The following ASL variants were observed in gnomAD, a reference collection of about 807,000 sequenced individuals.
ASL encodes the protein argininosuccinate lyase, also known as argininosuccinase.
A neutral mutation model predicts 69.1 loss-of-function variants in ASL; 51 were observed. The observed-to-expected ratio is 0.74, with a 90% confidence interval of 0.59 to 0.93. ASL has a LOEUF of 0.93. Among genes scored for constraint, ASL ranks in the 40% least tolerant of loss-of-function variants. ASL has a pLI of 0.00. For synonymous variants in ASL, 241 were observed against 247.6 expected (o/e 0.97, Z 0.25); for missense variants, 540 against 623.9 (o/e 0.87, Z 1.43).
At chr7:66,087,864 C>T in intron 10 of ASL, 73 bp downstream of exon 10, 1 of 1,565,750 alleles carries the variant, frequency 6.4e-7, no homozygotes, top group Non-Finnish European at 8.8e-7. Context: ...CTCCAGTTTC[C>T]TCCCACACCT....
At chr7:66,075,946 G>C (rs895587887) in intron 1 of ASL, 90 bp downstream of exon 1, 2 of 1,185,118 alleles carry the variant, frequency 1.7e-6, no homozygotes, top group African/African-American at 1.5e-5. Context: ...CAAGGGCTGC[G>C]CTCCCTCAAG....
At chr7:66,082,823 C>T in intron 4 of ASL, 57 bp from the exon 5 acceptor site, 1 of 1,608,202 alleles carries the variant, frequency 6.2e-7, no homozygotes. Flanking sequence ...ACTGCCCTGC[C>T]TGGGTTGACT....
rs1400200414 is a variant in ASL, at chr7:66,083,072, C to T, written c.349-5C>T. On this transcript the variant is annotated splice_polypyrimidine_tract_variant and splice_region_variant and intron_variant, in intron 5 of 16. Transcript: ENST00000304874. Reference sequence around the variant, plus strand: ...CTCCCTGAGCACCATCTCCTCCTTGCACAGGTGGTCACAGACCTCAGGCTG... The same window carrying T: ...CTCCCTGAGCACCATCTCCTCCTTGTACAGGTGGTCACAGACCTCAGGCTG... The T allele has an allele frequency of 1.2e-6, 2 of 1,613,884 alleles. No individual in the cohort carries two copies. Among genetic ancestry groups the T allele is most frequent in the African/African-American group, 1.3e-5 (1 of 75,050 alleles).
intron 2 of ASL, among the ~76,000 whole-genome samples, chr7:66,077,708 G>A (rs1344975214): frequency 1.3e-5 from 2 of 151,964 alleles, no homozygotes; most frequent in South Asian, 2.1e-4. Context: ...CAGCCTGGGC[G>A]ACAAAGCAAG....
rs1222512283 is a variant in ASL, at chr7:66,083,171, A to T, written c.443A>T (p.Glu148Val). The T allele has an allele frequency of 3.1e-6, 5 of 1,612,214 alleles. No homozygotes were observed. The African/African-American group carries it at 6.7e-5, about 22-fold the overall frequency. Residue 148 changes from glutamate to valine, a missense_variant, in exon 6 of 17, where the codon GAG becomes GTG. Coordinates refer to ENST00000304874, the MANE Select transcript of ASL (RefSeq NM_000048.4). ...ATTAGGACCATGGTGGATCGGGCAG[A>T]GGCGTGAGTCCTACAGGGACACCCA... Reference protein sequence around the residue: ...ELIRTMVDRAEAERDVLFPGY... With the variant: ...ELIRTMVDRAVAERDVLFPGY...
intron 6 of ASL, 47 bp downstream of exon 6, chr7:66,083,221 A>C (rs1786563714): frequency 6.3e-7 from 1 of 1,597,422 alleles, no homozygotes; most frequent in Admixed American, 1.7e-5. Context: ...GTGTGATGGA[A>C]GCCTGAACAG....
rs1786772391 is a variant in ASL, at chr7:66,089,326, A to G, written c.969A>G (p.Lys323=). ...AGGGACTTCCCAGCACCTACAACAAAGACTTACAGGTGCGAGGCCGGGGGA... is the reference window on the plus strand; with the variant it reads ...AGGGACTTCCCAGCACCTACAACAAGGACTTACAGGTGCGAGGCCGGGGGA... The part of the protein sequence containing the change: ...TLKGLPSTYN[K]DLQEDKEAVF... The change falls in exon 13 of 17, where the codon AAA becomes AAG. Residue 323 remains lysine, a synonymous_variant. Coordinates refer to ENST00000304874, the MANE Select transcript of ASL (RefSeq NM_000048.4). The G allele has an allele frequency of 6.2e-7, 1 of 1,607,266 alleles. No individual in the cohort carries two copies. The highest frequency in any genetic ancestry group is 8.5e-7 in the Non-Finnish European group (1 of 1,176,880).
At chr7:66,083,204 G>C (rs775399676) in intron 6 of ASL, 30 bp downstream of exon 6, 5 of 1,608,188 alleles carry the variant, frequency 3.1e-6, no homozygotes, top group Non-Finnish European at 4.2e-6. Context: ...CCAGGGGGCA[G>C]ACAGAGGTGT....
chr7:66,093,026 G>C lies in ASL; in HGVS notation c.*114G>C. 1 of 1,503,170 alleles carries C rather than the reference G, an allele frequency of 6.7e-7. No homozygotes were observed. Among genetic ancestry groups the C allele is most frequent in the Admixed American group, 2.0e-5 (1 of 50,862 alleles). The allele number at this position is 1,503,170 out of a possible 1,614,324, so 93.1% of individuals were successfully genotyped here. A position where few individuals can be genotyped will look rare whatever the true frequency, so the allele number is the denominator to read the frequency against. ...CTTTCGGGGCTGGCCAGTGGGGACA[G>C]TCAGGGACTGGAGAGGCAGGGCAGG... is the stretch of plus-strand genomic sequence containing the variant. On this transcript the variant is annotated 3_prime_UTR_variant, in exon 17 of 17. Transcript: ENST00000304874.
At chr7:66,077,062 G>T (rs1786367568) in intron 2 of ASL, among the ~76,000 whole-genome samples, 2 of 152,144 alleles carry the variant, frequency 1.3e-5, no homozygotes, top group Admixed American at 1.3e-4. Context: ...TTGTGAAATA[G>T]GGGTAATATT....
In ASL at chr7:66,076,043, G is replaced by A. The variant is rs1385059510; in HGVS notation, c.-39G>A. On this transcript the variant is annotated 5_prime_UTR_variant, in exon 2 of 17. Coordinates refer to ENST00000304874, the MANE Select transcript of ASL (RefSeq NM_000048.4). ...CAGTCCGGTCTTGTCTTCCAGACCC[G>A]GAGGACCGAAGCTTCCGGACGACGA... 4 of 1,590,032 alleles carry A rather than the reference G, an allele frequency of 2.5e-6. No homozygotes were observed. Among genetic ancestry groups the A allele is most frequent in the Non-Finnish European group, 3.4e-6 (4 of 1,168,812 alleles).
At chr7:66,077,746 C>G (rs1435252492) in intron 2 of ASL, among the ~76,000 whole-genome samples, 1 of 151,974 alleles carries the variant, frequency 6.6e-6, no homozygotes, top group African/African-American at 2.4e-5. Context: ...GAAAAAAAAC[C>G]CACAAGTCCC....
intron 6 of ASL, 177 bp downstream of exon 6, chr7:66,083,351 A>G (rs544731853): frequency 4.8e-6 from 3 of 629,566 alleles, no homozygotes; most frequent in Non-Finnish European, 8.3e-6. Flanking sequence ...GCAGGCCCCA[A>G]TACTCCCATG....
chr7:66,087,517 C>A, intron 9 of ASL, 131 bp downstream of exon 9: 4 of 1,173,056 alleles, frequency 3.4e-6, no homozygotes, highest in Non-Finnish European at 4.9e-6. Context: ...CCTATGGGCA[C>A]TGAGGTCATC....
At chr7:66,092,107 G>A (rs1786861762) in intron 15 of ASL, 21 bp downstream of exon 15, 3 of 1,607,732 alleles carry the variant, frequency 1.9e-6, no homozygotes, top group African/African-American at 1.3e-5. Flanking sequence ...AGCAGCCAGG[G>A]GGAGGGTGAG....
rs573525868 is a variant in ASL, at chr7:66,090,058, C to T, written c.1062+363C>T. Among the ~76,000 whole-genome samples, 5 of 152,162 alleles carry T rather than the reference C, an allele frequency of 3.3e-5. No individual in the cohort carries two copies. The South Asian group carries it at 1.0e-3, about 32-fold the overall frequency. ...TTTGAGACCAGCCTGGCCAACATGG[C>T]GTAACCACGTCTCTACTAAAAATAC... On this transcript the variant is annotated intron_variant, in intron 14 of 16. Transcript: ENST00000304874.
chr7:66,087,624 C>A, intron 9 of ASL, 105 bp from the exon 10 acceptor site: 1 of 1,213,022 alleles, frequency 8.2e-7, no homozygotes, highest in Non-Finnish European at 1.2e-6. Context: ...CTCCCCCCAG[C>A]TGTTGCCCCA....
chr7:66,091,089 C>G (rs1475237949), intron 14 of ASL, among the ~76,000 whole-genome samples: 4 of 133,968 alleles, frequency 3.0e-5, no homozygotes, highest in African/African-American at 1.1e-4. Context: ...CAGTGCAAGA[C>G]TCCATCTCAA....
At chr7:66,083,056 C>T in intron 5 of ASL, 21 bp from the exon 6 acceptor site, 1 of 1,613,566 alleles carries the variant, frequency 6.2e-7, no homozygotes, top group Non-Finnish European at 8.5e-7. Flanking sequence ...CCTCCCTGAG[C>T]ACCATCTCCT....
Sources: allele counts gnomAD v4.1 joint callset (sites outside exome capture counted in the v4.1 genomes callset), GRCh38; gene constraint gnomAD v4.1.1; transcripts MANE v1.5; gene names NCBI Gene and HGNC (gene_info 2026-07-23, HGNC 2026-07-21).